Variants in TDRD7 observed in about 807,000 individuals in gnomAD.
The protein encoded by TDRD7 is tudor domain-containing protein 7.
TDRD7 carries 47 observed loss-of-function variants against 109.8 expected under a neutral mutation model. The observed-to-expected ratio is 0.43, with a 90% confidence interval of 0.34 to 0.55. The LOEUF is 0.55. Among genes scored for constraint, TDRD7 ranks in the 20% least tolerant of loss-of-function variants. The probability of loss-of-function intolerance (pLI) is 0.03; values close to 1 mark genes in which losing one functional copy is unlikely to be tolerated. For synonymous variants in TDRD7, 424 were observed against 457.3 expected (o/e 0.93, Z 0.93); for missense variants, 1,164 against 1,319.2 (o/e 0.88, Z 1.82).
At chr9:97,451,242 A>AT (rs1172852564) in intron 6 of TDRD7, among the ~76,000 whole-genome samples, 1 of 151,962 alleles carries the variant, frequency 6.6e-6, no homozygotes, top group East Asian at 1.9e-4. Flanking sequence ...CTTCATTGGT[A>AT]TTTTTTTGTA....
chr9:97,471,573 C>T (rs986820634), intron 9 of TDRD7, among the ~76,000 whole-genome samples: 3 of 152,050 alleles, frequency 2.0e-5, no homozygotes, highest in East Asian at 3.9e-4. Context: ...AGAAAAAACT[C>T]GGAGGAGTCT....
intron 1 of TDRD7, among the ~76,000 whole-genome samples, chr9:97,414,742 C>T (rs887173275): frequency 1.4e-4 from 22 of 152,160 alleles, no homozygotes; most frequent in African/African-American, 5.1e-4. Context: ...ATACCATCAT[C>T]TGAGGGTATT....
At position 97,496,031 on chromosome 9, in the gene TDRD7, T is replaced by A; in HGVS notation, c.*148T>A. 1.5e-6 allele frequency: 1 copy of A among 685,320 alleles called. No homozygotes were observed. The highest frequency in any genetic ancestry group is 2.5e-6 in the Non-Finnish European group (1 of 394,662). The allele number at this position is 685,320 out of a possible 1,614,324, so 42.5% of individuals were successfully genotyped here. ...ATGCTTATGTTTGATGAAAGATATT[T>A]AACAAGTTTTGTTTTAACAGAGTTG... On this transcript the variant is annotated 3_prime_UTR_variant, in exon 17 of 17. Coordinates refer to ENST00000355295, the MANE Select transcript of TDRD7 (RefSeq NM_014290.3).
intron 1 of TDRD7, among the ~76,000 whole-genome samples, chr9:97,423,842 A>G (rs1043694775): frequency 1.3e-5 from 2 of 152,066 alleles, no homozygotes; most frequent in Non-Finnish European, 2.9e-5. Context: ...TACCTAATGT[A>G]ATTTTGTTCT....
rs1330439301 is a variant in TDRD7 at position 97,478,533 on chromosome 9, C to T, written c.2261C>T (p.Pro754Leu). 6.2e-7 allele frequency: 1 copy of T among 1,614,010 alleles called. No individual in the cohort carries two copies. The highest frequency in any genetic ancestry group is 2.2e-5 in the East Asian group (1 of 44,872). The change falls in exon 13 of 17, where the codon CCA becomes CTA. Residue 754 changes from proline to leucine, a missense_variant. Pro to Leu is a moderately conservative substitution (Grantham distance 98). This residue lies in a region of TDRD7 where 233 missense variants were observed against 218.0 expected (regional missense o/e 1.07). Coordinates refer to ENST00000355295, the MANE Select transcript of TDRD7 (RefSeq NM_014290.3). ...SVKVSELREI[P>L]PRFLQEMIAI... ...AAAGTGTCAGAGCTCAGGGAAATTC[C>T]ACCTCGGTTTCTACAAGAAATGATT...
chr9:97,457,809 A>G (rs930102428), intron 6 of TDRD7, among the ~76,000 whole-genome samples: 3 of 152,240 alleles, frequency 2.0e-5, no homozygotes, highest in Non-Finnish European at 4.4e-5. Flanking sequence ...AGCCATAGAA[A>G]GGAATGAGAT....
chr9:97,432,259 A>G (rs1465841067), intron 4 of TDRD7, 21 bp downstream of exon 4: 1 of 1,606,714 alleles, frequency 6.2e-7, no homozygotes, highest in African/African-American at 1.3e-5. Flanking sequence ...TCTGACTCAC[A>G]GAAGTTTGGT....
chr9:97,419,014 G>C (rs992367996), intron 1 of TDRD7, among the ~76,000 whole-genome samples: 2 of 152,160 alleles, frequency 1.3e-5, no homozygotes, highest in Non-Finnish European at 2.9e-5. Flanking sequence ...AAGTAGTCTG[G>C]CCAGGGAGGA....
chr9:97,460,238 C>T lies in TDRD7; in HGVS notation c.916C>T (p.Leu306Phe), dbSNP rs755067591. The T allele has an allele frequency of 1.2e-6, 2 of 1,614,232 alleles. No homozygotes were observed. The change falls in exon 7 of 17, where the codon CTT becomes TTT. Residue 306 changes from leucine to phenylalanine, a missense_variant. Physicochemically the swap from Leu to Phe is conservative, Grantham distance 22 (BLOSUM62 0). Coordinates refer to ENST00000355295, the MANE Select transcript of TDRD7 (RefSeq NM_014290.3). Reference protein sequence around the residue: ...LLLYPAKRKQLLRSELDTEKV... With the variant: ...LLLYPAKRKQFLRSELDTEKV... Reference sequence around the variant, plus strand: ...TCTTTATCCAGCTAAGAGAAAGCAGCTTTTGAGAAGTGAACTGGATACTGA... The same window carrying T: ...TCTTTATCCAGCTAAGAGAAAGCAGTTTTTGAGAAGTGAACTGGATACTGA...
chr9:97,491,978 T>A (rs1301398484), intron 16 of TDRD7, among the ~76,000 whole-genome samples: 3 of 152,210 alleles, frequency 2.0e-5, no homozygotes, highest in African/African-American at 7.2e-5. Context: ...CAGACTTATT[T>A]ACATGTACCC....
rs551370386 is a variant in TDRD7 at position 97,447,720 on chromosome 9, GTAATGAGAGCAAGGAA to G, written c.855+5863_855+5878del. Among the ~76,000 whole-genome samples, 1,082 of 152,216 alleles carry G rather than the reference GTAATGAGAGCAAGGAA, an allele frequency of 7.1e-3. 4 individuals carry two copies. Among genetic ancestry groups the G allele is most frequent in the Middle Eastern group, 0.044 (13 of 294 alleles). On this transcript the variant is annotated intron_variant, in intron 6 of 16. Transcript: ENST00000355295. Reference sequence around the variant, plus strand: ...GCACCTGCCCCAACTCCTGCCCAAGGTAATGAGAGCAAGGAATAATGAGAGCAAGGAATGTGTCCAA... The same window carrying G: ...GCACCTGCCCCAACTCCTGCCCAAGGTAATGAGAGCAAGGAATGTGTCCAA...
chr9:97,489,329 T>C (rs533397193), intron 16 of TDRD7, among the ~76,000 whole-genome samples: 6 of 152,310 alleles, frequency 3.9e-5, no homozygotes, highest in African/African-American at 1.4e-4. Flanking sequence ...TGATCTGTTA[T>C]TAGATGCATG....
intron 6 of TDRD7, among the ~76,000 whole-genome samples, chr9:97,455,369 A>C (rs953084511): frequency 4.5e-4 from 69 of 152,206 alleles, no homozygotes; most frequent in Non-Finnish European, 9.6e-4. Context: ...AGAGATGCAC[A>C]ACAACAAAAA....
At chr9:97,479,777 C>T (rs928402418) in intron 13 of TDRD7, among the ~76,000 whole-genome samples, 1 of 152,092 alleles carries the variant, frequency 6.6e-6, no homozygotes, top group East Asian at 1.9e-4. Context: ...AACTGGTTGC[C>T]AGGATTTTAA....
chr9:97,429,144 C>T (rs1212344612), intron 2 of TDRD7, among the ~76,000 whole-genome samples: 1 of 152,164 alleles, frequency 6.6e-6, no homozygotes, highest in Non-Finnish European at 1.5e-5. Context: ...CCGGGGCCTC[C>T]TTGCTGTTGT....
chr9:97,439,846 C>A (rs570457868), intron 5 of TDRD7, among the ~76,000 whole-genome samples: 2 of 152,246 alleles, frequency 1.3e-5, no homozygotes, highest in East Asian at 1.9e-4. Flanking sequence ...CAATAGGAGA[C>A]ATAGTATAAG....
At chr9:97,462,713 T>TA (rs1481621384) in intron 7 of TDRD7, among the ~76,000 whole-genome samples, 1 of 152,236 alleles carries the variant, frequency 6.6e-6, no homozygotes, top group Non-Finnish European at 1.5e-5. Context: ...TTGAGGATAA[T>TA]ATATGACCTC....
At chr9:97,487,849 T>G (rs981622004) in intron 16 of TDRD7, among the ~76,000 whole-genome samples, 6 of 152,190 alleles carry the variant, frequency 3.9e-5, no homozygotes, top group Non-Finnish European at 7.3e-5. Context: ...TCATACTTTA[T>G]TATTATCGCA....
intron 8 of TDRD7, among the ~76,000 whole-genome samples, chr9:97,465,686 C>T (rs943730798): frequency 5.9e-5 from 9 of 152,016 alleles, no homozygotes; most frequent in Non-Finnish European, 1.0e-4. Context: ...GTATTAGCTC[C>T]GTGTGCTGTG....
Sources: gnomAD v4.1 joint callset for allele counts (sites outside exome capture counted in the v4.1 genomes callset) on GRCh38, gnomAD v4.1.1 for gene constraint, gnomAD v4.1.1 regional missense constraint, MANE v1.5 for transcripts, NCBI Gene and HGNC (gene_info 2026-07-23, HGNC 2026-07-21) for gene names.